FRMPD4: variants seen among roughly 807,000 people sequenced by gnomAD.
FRMPD4 encodes FERM and PDZ domain containing 4, also known as FERM and PDZ domain-containing protein 4.
FRMPD4 carries 22 observed loss-of-function variants against 94.1 expected under a neutral mutation model. The ratio of observed to expected loss-of-function variants is 0.23; its 90% confidence interval spans 0.17 to 0.33. The LOEUF (loss-of-function observed/expected upper bound fraction) is 0.33. Among genes scored for constraint, FRMPD4 ranks in the 10% least tolerant of loss-of-function variants. The probability of loss-of-function intolerance (pLI) is 1.00; values close to 1 mark genes in which losing one functional copy is unlikely to be tolerated. For missense variants in FRMPD4, 1,111 were observed against 1,339.9 expected, an observed-to-expected ratio of 0.83 and a Z score of 2.67; for synonymous variants, 631 against 548.6, an observed-to-expected ratio of 1.15 and a Z score of -2.10.
intron 3 of FRMPD4, among the ~76,000 whole-genome samples, chrX:11,879,681 T>G (rs2053803096): frequency 9.0e-6 from 1 of 111,532 alleles, no homozygotes; most frequent in Non-Finnish European, 1.9e-5. Context: ...TTCTATTTTA[T>G]TTTTAGAATC....
chrX:11,867,224 A>ATTTTTTTTTTTTTTTTTT, intron 2 of FRMPD4, among the ~76,000 whole-genome samples: 1 of 111,680 alleles, frequency 9.0e-6, no homozygotes, highest in East Asian at 2.8e-4. Context: ...TTAGATAATT[A>ATTTTTTTTTTTTTTTTTT]TTGTATTTAC....
chrX:12,439,722 AG>A (rs1325131026), intron 1 of FRMPD4, among the ~76,000 whole-genome samples: 1 of 112,348 alleles, frequency 8.9e-6, no homozygotes, highest in Non-Finnish European at 1.9e-5. Flanking sequence ...TATGAGGGGC[AG>A]GAGAAGGTCA....
chrX:12,096,136 G>A lies in FRMPD4; in HGVS notation c.95+218118G>A, dbSNP rs137856396. ...TTGAAGGTTACCGAATGACTGATCT[G>A]TAATATACTTCTTAAAACATTATAT... On this transcript the variant is annotated intron_variant, in intron 3 of 18. Coordinates refer to the FRMPD4 transcript ENST00000640291. 5.2e-3 allele frequency among the ~76,000 whole-genome samples: 584 copies of A among 112,543 alleles called. 5 individuals carry two copies. Among genetic ancestry groups the A allele is most frequent in the African/African-American group, 0.018 (556 of 31,021 alleles).
intron 3 of FRMPD4, among the ~76,000 whole-genome samples, chrX:12,067,149 C>T (rs1390638259): frequency 9.1e-6 from 1 of 109,721 alleles, no homozygotes; most frequent in Non-Finnish European, 1.9e-5. Context: ...GGATTACAGG[C>T]GTGAGCCACC....
intron 1 of FRMPD4, among the ~76,000 whole-genome samples, chrX:11,851,512 G>A (rs770361681): frequency 2.2e-4 from 25 of 111,556 alleles, no homozygotes; most frequent in Non-Finnish European, 3.8e-4. Flanking sequence ...AGTAGAAACA[G>A]CACCTTTACT....
At chrX:11,973,631 G>A (rs2054352235) in intron 3 of FRMPD4, among the ~76,000 whole-genome samples, 1 of 111,902 alleles carries the variant, frequency 8.9e-6, no homozygotes, top group African/African-American at 3.3e-5. Flanking sequence ...ATTGGAAGAA[G>A]GCCTCTGTAT....
chrX:12,541,584 C>T (rs768684562), intron 2 of FRMPD4, among the ~76,000 whole-genome samples: 55 of 111,205 alleles, frequency 4.9e-4, no homozygotes, highest in African/African-American at 1.7e-3. Flanking sequence ...GCTCTGAAAT[C>T]GAGGCAATAA....
chrX:12,013,996 C>CT (rs201314449), intron 3 of FRMPD4, among the ~76,000 whole-genome samples: 3 of 111,466 alleles, frequency 2.7e-5, no homozygotes, highest in South Asian at 3.7e-4. Context: ...TATTATATAA[C>CT]TTTTTTTTTA....
intron 3 of FRMPD4, among the ~76,000 whole-genome samples, chrX:11,971,977 A>T (rs1358319492): frequency 9.0e-6 from 1 of 111,661 alleles, no homozygotes. Flanking sequence ...TTCTCAAGTG[A>T]GAATGAGGAA....
intron 3 of FRMPD4, among the ~76,000 whole-genome samples, chrX:11,892,451 T>C (rs746402567): frequency 1.8e-5 from 2 of 111,459 alleles, no homozygotes; most frequent in Non-Finnish European, 3.8e-5. Context: ...TCTGTGGGAG[T>C]GGAATCCCTC....
intron 3 of FRMPD4, among the ~76,000 whole-genome samples, chrX:12,042,554 GCTGT>G (rs1225416116): frequency 1.8e-5 from 2 of 111,420 alleles, no homozygotes; most frequent in African/African-American, 3.3e-5. Context: ...GACACTTCAA[GCTGT>G]CTGACTCTCA....
chrX:12,441,697 G>A (rs761527704), intron 1 of FRMPD4, among the ~76,000 whole-genome samples: 2 of 112,125 alleles, frequency 1.8e-5, no homozygotes, highest in African/African-American at 6.5e-5. Flanking sequence ...GAGTGTTTGG[G>A]AATAAATGAA....
At chrX:12,720,502 TTC>T (rs755032915) in intron 16 of FRMPD4, 30 bp from the exon 17 acceptor site, 23 of 1,193,911 alleles carry the variant, frequency 1.9e-5, no homozygotes, top group Admixed American at 4.4e-5. Context: ...TGCTTAATGA[TTC>T]TCTCTGTTTT....
At chrX:12,437,248 A>G (rs766878712) in intron 1 of FRMPD4, among the ~76,000 whole-genome samples, 1 of 111,255 alleles carries the variant, frequency 9.0e-6, no homozygotes, top group African/African-American at 3.3e-5. Flanking sequence ...TAGCTTCCCT[A>G]CAATAGTCCC....
chrX:12,308,892 G>A (rs1414395374), intron 1 of FRMPD4, among the ~76,000 whole-genome samples: 1 of 112,848 alleles, frequency 8.9e-6, no homozygotes, highest in African/African-American at 3.2e-5. Context: ...GGGAGCCAGC[G>A]TGGCATGCGC....
intron 1 of FRMPD4, among the ~76,000 whole-genome samples, chrX:11,856,365 G>A (rs1297346517): frequency 8.9e-6 from 1 of 111,842 alleles, no homozygotes; most frequent in Non-Finnish European, 1.9e-5. Context: ...CCACAATTAA[G>A]TAGGCTTCAT....
chrX:12,463,681 G>GTGTT (rs1555969426), intron 1 of FRMPD4, among the ~76,000 whole-genome samples: 2,470 of 50,874 alleles, frequency 0.049, 322 homozygotes, highest in South Asian at 0.066. Context: ...CTATGTGTGT[G>GTGTT]TTTTTTTTTT....
intron 3 of FRMPD4, among the ~76,000 whole-genome samples, chrX:11,888,586 A>G (rs1368877456): frequency 9.0e-6 from 1 of 111,142 alleles, no homozygotes; most frequent in East Asian, 2.8e-4. Context: ...AGTTCTTTTT[A>G]CCCCCTCATT....
At chrX:12,534,168 C>T (rs1159692689) in intron 2 of FRMPD4, among the ~76,000 whole-genome samples, 2 of 113,070 alleles carry the variant, frequency 1.8e-5, no homozygotes, top group African/African-American at 6.4e-5. Flanking sequence ...TCAGAGGGTA[C>T]AAGCCTCAAG....
Sources: allele counts gnomAD v4.1 joint callset (sites outside exome capture counted in the v4.1 genomes callset), GRCh38; gene constraint gnomAD v4.1.1; transcripts MANE v1.5; gene names NCBI Gene and HGNC (gene_info 2026-07-23, HGNC 2026-07-21).